The following BMPR1B variants were observed in gnomAD, a reference collection of about 807,000 sequenced individuals.
BMPR1B encodes the protein bone morphogenetic protein receptor type-1B.
Under a neutral mutation model 59.1 loss-of-function variants are expected in BMPR1B, and 12 were observed. The observed-to-expected ratio is 0.20, with a 90% CI of 0.13 to 0.33. The LOEUF is 0.33. BMPR1B is among the 10% of genes least tolerant of loss of function. The pLI, the probability that BMPR1B is intolerant of heterozygous loss-of-function variation, is 1.00. For missense variants in BMPR1B, 550 were observed against 610.9 expected (o/e 0.90, Z 1.05); for synonymous variants, 237 against 207.3 (o/e 1.14, Z -1.23).
rs1226627119 is a variant in BMPR1B at position 95,062,496 on chromosome 4, CA to C, written c.-17-41906del. On this transcript the variant is annotated intron_variant, in intron 3 of 12. Coordinates refer to ENST00000515059, the MANE Select transcript of BMPR1B (RefSeq NM_001203.3). ...AGAGGAACACATTTGAGTTCTAGGA[CA>C]AAAAATTTGCACCCCAGATTGAAGA... Among the ~76,000 whole-genome samples, 23 of 152,190 alleles carry C rather than the reference CA, an allele frequency of 1.5e-4. No individual in the cohort carries two copies. In the South Asian group the frequency reaches 4.4e-3, roughly 29 times the overall value.
At chr4:94,905,867 G>A (rs905759015) in intron 2 of BMPR1B, among the ~76,000 whole-genome samples, 5 of 150,292 alleles carry the variant, frequency 3.3e-5, no homozygotes, top group African/African-American at 1.2e-4. Context: ...TAAGAGAACA[G>A]TGATGTATTT....
intron 2 of BMPR1B, among the ~76,000 whole-genome samples, chr4:94,991,645 A>G (rs952403486): frequency 1.8e-4 from 27 of 152,168 alleles, no homozygotes; most frequent in African/African-American, 6.5e-4. Flanking sequence ...GTAGGAGGAC[A>G]AGTGGGTTGG....
intron 2 of BMPR1B, among the ~76,000 whole-genome samples, chr4:94,985,297 A>G (rs949144804): frequency 1.5e-4 from 23 of 152,152 alleles, no homozygotes; most frequent in Admixed American, 1.4e-3. Context: ...TTCAGTATTT[A>G]AAGTTAGATA....
chr4:94,844,695 A>G (rs1201247530), intron 1 of BMPR1B, among the ~76,000 whole-genome samples: 1 of 151,966 alleles, frequency 6.6e-6, no homozygotes, highest in African/African-American at 2.4e-5. Context: ...TCCCCGCCCC[A>G]GATTGTTTCA....
chr4:95,101,901 C>T (rs759917254), intron 3 of BMPR1B, among the ~76,000 whole-genome samples: 2 of 152,028 alleles, frequency 1.3e-5, no homozygotes, highest in African/African-American at 4.8e-5. Flanking sequence ...AGTGTCTCCT[C>T]CCTTGATCTC....
intron 2 of BMPR1B, among the ~76,000 whole-genome samples, chr4:94,909,172 C>G (rs1233640272): frequency 6.6e-6 from 1 of 151,934 alleles, no homozygotes; most frequent in Non-Finnish European, 1.5e-5. Context: ...AATGTAGGGC[C>G]CATTCTAATC....
chr4:94,968,316 C>T (rs1384519305), intron 2 of BMPR1B, among the ~76,000 whole-genome samples: 2 of 151,208 alleles, frequency 1.3e-5, no homozygotes, highest in African/African-American at 4.9e-5. Flanking sequence ...GAACATTGCT[C>T]AGCTCTGGGA....
chr4:94,859,274 A>G (rs974709367), intron 1 of BMPR1B, among the ~76,000 whole-genome samples: 1 of 148,928 alleles, frequency 6.7e-6, no homozygotes, highest in Non-Finnish European at 1.5e-5. Context: ...ATTTTTTAAA[A>G]AAAGAATTAC....
intron 1 of BMPR1B, among the ~76,000 whole-genome samples, chr4:94,835,655 A>T (rs1337883660): frequency 6.7e-6 from 1 of 149,424 alleles, no homozygotes; most frequent in African/African-American, 2.5e-5. Flanking sequence ...TATTAAGTAT[A>T]AGTTTTGTAA....
intron 2 of BMPR1B, among the ~76,000 whole-genome samples, chr4:94,938,747 C>T (rs1225596046): frequency 6.6e-6 from 1 of 152,092 alleles, no homozygotes; most frequent in African/African-American, 2.4e-5. Context: ...TTCAACAACC[C>T]TATATGGAAG....
Position 95,073,282 on chromosome 4 carries a change from C to T in BMPR1B, c.-17-31126C>T, listed in dbSNP as rs551295801. ...CCATGATATCTTCTGGGCATCTCCC[C>T]GGTTTTGGCAACTAGGAAACATTCA... On this transcript the variant is annotated intron_variant, in intron 3 of 12. Transcript: ENST00000515059. 3.9e-5 allele frequency among the ~76,000 whole-genome samples: 6 copies of T among 152,220 alleles called. No homozygotes were observed. The South Asian group carries it at 8.3e-4, about 21-fold the overall frequency.
At chr4:94,842,570 T>C (rs1018528832) in intron 1 of BMPR1B, among the ~76,000 whole-genome samples, 3 of 152,292 alleles carry the variant, frequency 2.0e-5, no homozygotes, top group Admixed American at 6.5e-5. Context: ...CTTTTTTTTT[T>C]CCTGAGACAG....
In BMPR1B at chr4:95,140,447, T is replaced by C. The variant is rs190181640; in HGVS notation, c.1077-8301T>C. ...CTGAGCTGCTTGAATTTTCTCCTTA[T>C]ATATTCCATGCTTGCTGTTGCCTTG... On this transcript the variant is annotated intron_variant, in intron 10 of 12. Transcript: ENST00000515059. Among the ~76,000 whole-genome samples, 4 of 152,290 alleles carry C rather than the reference T, an allele frequency of 2.6e-5. No homozygotes were observed. In the East Asian group the frequency reaches 7.7e-4, roughly 29 times the overall value.
At position 95,125,026 on chromosome 4, in the gene BMPR1B, G is replaced by C. The variant is rs754565613; in HGVS notation, c.490G>C (p.Glu164Gln). 2 of 1,613,642 alleles carry C rather than the reference G, an allele frequency of 1.2e-6. No individual in the cohort carries two copies. Among genetic ancestry groups the C allele is most frequent in the East Asian group, 2.2e-5 (1 of 44,866 alleles). The change falls in exon 8 of 13, where the codon GAA (glutamate) becomes CAA (glutamine). Residue 164 changes from glutamate to glutamine, a missense_variant. Physicochemically the swap from Glu to Gln is conservative, Grantham distance 29. Transcript: ENST00000515059. ...ETRPRYSIGLEQDETYIPPGE... is the reference protein window; with the variant it reads ...ETRPRYSIGLQQDETYIPPGE... ...CAGACCTCGATACAGCATTGGGTTA[G>C]AACAGGATGAAACTTACATTCCTCC...
At chr4:94,973,628 A>T (rs1050290564) in intron 2 of BMPR1B, among the ~76,000 whole-genome samples, 1 of 152,140 alleles carries the variant, frequency 6.6e-6, no homozygotes. Context: ...GTTTAGGAAA[A>T]GGCAACATTT....
intron 3 of BMPR1B, among the ~76,000 whole-genome samples, chr4:95,015,292 C>G (rs557566353): frequency 6.6e-6 from 1 of 152,238 alleles, no homozygotes; most frequent in East Asian, 1.9e-4. Flanking sequence ...AATCTCATGC[C>G]TTTTTAATGT....
chr4:94,935,788 G>A (rs927787953), intron 2 of BMPR1B, among the ~76,000 whole-genome samples: 2 of 152,204 alleles, frequency 1.3e-5, no homozygotes, highest in African/African-American at 2.4e-5. Flanking sequence ...TAGGCAGAAT[G>A]CCTGGGACAT....
chr4:95,057,559 G>A (rs115590248), intron 3 of BMPR1B, among the ~76,000 whole-genome samples: 2,220 of 152,014 alleles, frequency 0.015, 23 homozygotes, highest in South Asian at 0.027. Flanking sequence ...GATTGGCTGC[G>A]GACCCTTAGA....
At chr4:95,122,465 T>C (rs766520110) in intron 6 of BMPR1B, among the ~76,000 whole-genome samples, 5 of 152,220 alleles carry the variant, frequency 3.3e-5, no homozygotes, top group Non-Finnish European at 7.3e-5. Context: ...CTGTTCATTA[T>C]GTATGTATTA....
Sources: allele counts gnomAD v4.1 joint callset (sites outside exome capture counted in the v4.1 genomes callset), GRCh38; gene constraint gnomAD v4.1.1; transcripts MANE v1.5; gene names NCBI Gene and HGNC (gene_info 2026-07-23, HGNC 2026-07-21).